Variants in GMDS observed in about 807,000 individuals in gnomAD.
The protein encoded by GMDS is GDP-mannose 4,6-dehydratase, also known as GDP-mannose 4,6 dehydratase.
Under a neutral mutation model 49.9 loss-of-function variants are expected in GMDS, and 20 were observed. The observed-to-expected ratio is 0.40, with a 90% CI of 0.28 to 0.58. The LOEUF is 0.58. Ranked by LOEUF, GMDS falls within the 20% of genes least tolerant of loss-of-function variation. The pLI, the probability that GMDS is intolerant of heterozygous loss-of-function variation, is 0.42. For missense variants in GMDS, 362 were observed against 481.4 expected (o/e 0.75, Z 2.32); for synonymous variants, 177 against 178.6 (o/e 0.99, Z 0.07).
intron 7 of GMDS, among the ~76,000 whole-genome samples, chr6:1,926,437 C>T (rs892487027): frequency 7.2e-5 from 11 of 152,186 alleles, no homozygotes; most frequent in African/African-American, 2.7e-4. Flanking sequence ...CCCATACCAC[C>T]ATCACACGCT....
At chr6:2,083,944 A>G (rs1381334555) in intron 4 of GMDS, among the ~76,000 whole-genome samples, 3 of 152,242 alleles carry the variant, frequency 2.0e-5, no homozygotes, top group African/African-American at 7.2e-5. Flanking sequence ...AAGCTAAAAT[A>G]TATAATATTT....
intron 7 of GMDS, among the ~76,000 whole-genome samples, chr6:1,838,188 C>T (rs1757009241): frequency 6.6e-6 from 1 of 152,178 alleles, no homozygotes; most frequent in African/African-American, 2.4e-5. Flanking sequence ...CAACATCTCA[C>T]ATTACAAATT....
chr6:2,178,846 A>T (rs1642387156), intron 1 of GMDS, among the ~76,000 whole-genome samples: 1 of 152,302 alleles, frequency 6.6e-6, no homozygotes. Context: ...ACTAACAATG[A>T]TATTCTGATG....
At chr6:1,796,006 G>T (rs763346901) in intron 7 of GMDS, among the ~76,000 whole-genome samples, 4 of 152,212 alleles carry the variant, frequency 2.6e-5, no homozygotes, top group Non-Finnish European at 5.9e-5. Context: ...CAGGATGCCT[G>T]TATCGGAAGA....
chr6:1,695,897 TTC>T (rs1200129575), intron 9 of GMDS, among the ~76,000 whole-genome samples: 1 of 150,518 alleles, frequency 6.6e-6, no homozygotes, highest in African/African-American at 2.4e-5. Flanking sequence ...CAACATTCTT[TTC>T]TGTCTTGGTT....
intron 7 of GMDS, among the ~76,000 whole-genome samples, chr6:1,857,217 T>C (rs1419818425): frequency 6.6e-6 from 1 of 152,218 alleles, no homozygotes. Context: ...TCATACGACA[T>C]TCCTTGTTGT....
chr6:2,145,335 G>C (rs1399877673), intron 1 of GMDS, among the ~76,000 whole-genome samples: 2 of 151,958 alleles, frequency 1.3e-5, no homozygotes, highest in South Asian at 2.1e-4. Context: ...AGGAGTTCGA[G>C]ACCATCCTGG....
At chr6:2,176,243 T>G (rs1035243350) in intron 1 of GMDS, among the ~76,000 whole-genome samples, 1 of 152,192 alleles carries the variant, frequency 6.6e-6, no homozygotes, top group African/African-American at 2.4e-5. Flanking sequence ...AAACAAATGG[T>G]TTAGAAAAAC....
rs548880654 is a variant in GMDS, at chr6:2,134,473, C to T, written c.103-9742G>A. On this transcript the variant is annotated intron_variant, in intron 1 of 10. Transcript: ENST00000380815. ...GCCTAATAGGGATTGGACACCACCA[C>T]CCACATCTTGGTCTCAATAGCACCA... Among the ~76,000 whole-genome samples the T allele has an allele frequency of 1.7e-3, 259 of 152,306 alleles. 1 individual carries two copies. The highest frequency in any genetic ancestry group is 4.0e-3 in the African/African-American group (165 of 41,576).
intron 9 of GMDS, among the ~76,000 whole-genome samples, chr6:1,681,468 C>T (rs951903108): frequency 6.6e-6 from 1 of 152,194 alleles, no homozygotes; most frequent in Non-Finnish European, 1.5e-5. Context: ...ATTATGAAAG[C>T]TCTGCCATTC....
intron 9 of GMDS, among the ~76,000 whole-genome samples, chr6:1,638,393 G>A (rs534525894): frequency 3.3e-5 from 5 of 152,258 alleles, no homozygotes; most frequent in East Asian, 3.9e-4. Flanking sequence ...TAGCTTTCTC[G>A]AAAACACTGA....
intron 1 of GMDS, among the ~76,000 whole-genome samples, chr6:2,205,766 G>GGT (rs952971149): frequency 2.0e-5 from 3 of 152,138 alleles, no homozygotes; most frequent in South Asian, 2.1e-4. Flanking sequence ...AAGCCTTCAG[G>GGT]GTGTGTGTGT....
intron 7 of GMDS, among the ~76,000 whole-genome samples, chr6:1,840,502 GAA>G (rs1385983722): frequency 6.6e-6 from 1 of 152,210 alleles, no homozygotes; most frequent in East Asian, 1.9e-4. Flanking sequence ...TCCAAGCCAG[GAA>G]AACAGGAGCA....
chr6:1,904,288 C>T (rs1437814357), intron 7 of GMDS, among the ~76,000 whole-genome samples: 1 of 152,112 alleles, frequency 6.6e-6, no homozygotes. Flanking sequence ...GAAGCCCCAG[C>T]CTTATCTCTG....
At chr6:1,980,753 C>T (rs745832080) in intron 4 of GMDS, among the ~76,000 whole-genome samples, 5 of 152,070 alleles carry the variant, frequency 3.3e-5, no homozygotes, top group Non-Finnish European at 7.4e-5. Context: ...CTCATAGCCA[C>T]GTGAGACTTA....
At chr6:2,114,760 G>A (rs1050690238) in intron 4 of GMDS, among the ~76,000 whole-genome samples, 4 of 152,144 alleles carry the variant, frequency 2.6e-5, no homozygotes, top group African/African-American at 9.7e-5. Context: ...TTATTGCTAT[G>A]TTTCTCTCAC....
intron 9 of GMDS, among the ~76,000 whole-genome samples, chr6:1,650,770 G>C (rs557421362): frequency 9.2e-5 from 14 of 152,054 alleles, no homozygotes; most frequent in African/African-American, 3.4e-4. Flanking sequence ...GTAGAGATGG[G>C]GGTTTCGCCA....
chr6:2,071,950 G>C (rs182337050), intron 4 of GMDS, among the ~76,000 whole-genome samples: 8 of 152,234 alleles, frequency 5.3e-5, no homozygotes, highest in African/African-American at 1.9e-4. Flanking sequence ...AGCAACGAAG[G>C]GGGGAAAAAA....
At chr6:1,735,961 A>T (rs1265064432) in intron 8 of GMDS, among the ~76,000 whole-genome samples, 1 of 152,210 alleles carries the variant, frequency 6.6e-6, no homozygotes, top group Non-Finnish European at 1.5e-5. Flanking sequence ...CAAATAACAC[A>T]TTTATAGAGC....
Sources: allele counts gnomAD v4.1 joint callset (sites outside exome capture counted in the v4.1 genomes callset), GRCh38; gene constraint gnomAD v4.1.1; transcripts MANE v1.5; gene names NCBI Gene and HGNC (gene_info 2026-07-23, HGNC 2026-07-21).